The following ARID3B variants were observed in gnomAD, a reference collection of about 807,000 sequenced individuals.
ARID3B encodes the protein AT-rich interactive domain-containing protein 3B.
ARID3B carries 10 observed loss-of-function variants against 51.9 expected under a neutral mutation model. That is an observed-to-expected ratio of 0.19 (90% CI 0.12 to 0.33). ARID3B has a LOEUF of 0.33. Ranked by LOEUF, ARID3B falls within the 10% of genes least tolerant of loss-of-function variation. ARID3B has a pLI of 1.00. For missense variants in ARID3B, 483 were observed against 716.3 expected (o/e 0.67, Z 3.72); for synonymous variants, 205 against 279.5 (o/e 0.73, Z 2.66).
At chr15:74,572,689 G>C (rs538578003) in intron 2 of ARID3B, among the ~76,000 whole-genome samples, 173 bp from the exon 3 acceptor site, 2 of 151,608 alleles carry the variant, frequency 1.3e-5, no homozygotes, top group East Asian at 3.9e-4. Flanking sequence ...AAAAAAAAAA[G>C]ATGTCCCTGT....
rs758595748 is a variant in ARID3B at position 74,595,812 on chromosome 15, C to T, written c.*38C>T. The T allele has an allele frequency of 7.6e-6, 12 of 1,575,590 alleles. No individual in the cohort carries two copies. Among genetic ancestry groups the T allele is most frequent in the Admixed American group, 1.9e-5 (1 of 53,204 alleles). On this transcript the variant is annotated 3_prime_UTR_variant, in exon 9 of 9. Coordinates refer to ENST00000346246, the MANE Select transcript of ARID3B (RefSeq NM_006465.4). Reference sequence around the variant, plus strand: ...AGCTTCCCACTTGCCACTCTCCTGTCGAGAGTGAAGGAAGTTGATGCACAG... The same window carrying T: ...AGCTTCCCACTTGCCACTCTCCTGTTGAGAGTGAAGGAAGTTGATGCACAG...
intron 4 of ARID3B, among the ~76,000 whole-genome samples, chr15:74,576,790 G>A (rs2061739629): frequency 6.6e-6 from 1 of 152,220 alleles, no homozygotes; most frequent in Non-Finnish European, 1.5e-5. Flanking sequence ...ACCCTGGCCT[G>A]CAGTGCAGAG....
intron 2 of ARID3B, among the ~76,000 whole-genome samples, chr15:74,563,561 C>T (rs996126134): frequency 1.3e-5 from 2 of 152,168 alleles, no homozygotes; most frequent in South Asian, 2.1e-4. Context: ...CTTTCTGTCA[C>T]CAGCGGGTCC....
intron 4 of ARID3B, among the ~76,000 whole-genome samples, chr15:74,586,111 A>G (rs2061780768): frequency 6.6e-6 from 1 of 152,224 alleles, no homozygotes; most frequent in African/African-American, 2.4e-5. Flanking sequence ...AGGAGAGTTC[A>G]CTGTGGAGTG....
intron 2 of ARID3B, among the ~76,000 whole-genome samples, chr15:74,549,235 C>T (rs1241807219): frequency 6.6e-6 from 1 of 151,976 alleles, no homozygotes; most frequent in Admixed American, 6.5e-5. Context: ...CCACCACGCC[C>T]GGCTAATTTT....
At chr15:74,573,447 T>C in intron 4 of ARID3B, 1 of 547,998 alleles carries the variant, frequency 1.8e-6, no homozygotes, top group Admixed American at 3.2e-5. Context: ...TTTTGTCTCT[T>C]CTTCCAATTG....
chr15:74,576,407 C>G (rs1475314706), intron 4 of ARID3B, among the ~76,000 whole-genome samples: 4 of 152,184 alleles, frequency 2.6e-5, no homozygotes, highest in African/African-American at 4.8e-5. Flanking sequence ...AGTGTGGTGG[C>G]TCACGCCTGT....
chr15:74,566,436 TA>T (rs1036677318), intron 2 of ARID3B, among the ~76,000 whole-genome samples: 3 of 149,896 alleles, frequency 2.0e-5, no homozygotes, highest in Admixed American at 6.7e-5. Flanking sequence ...CCGTCTCTAC[TA>T]AAAAAAAATA....
rs1207747102 is a variant in ARID3B at position 74,578,160 on chromosome 15, CTTTTTTTTGT to C, written c.697+4974_697+4983del. Among the ~76,000 whole-genome samples the C allele has an allele frequency of 2.3e-3, 124 of 54,868 alleles. 3 individuals are homozygous for C. Among genetic ancestry groups the C allele is most frequent in the South Asian group, 0.012 (25 of 2,158 alleles). 36.0% of individuals were successfully genotyped at this position (54,868 alleles called of 152,430 possible). A position where few individuals can be genotyped will look rare whatever the true frequency, so the allele number is the denominator to read the frequency against. On this transcript the variant is annotated intron_variant, in intron 4 of 8. Transcript: ENST00000346246. ...ACATGAGCCACCGCACCTGGCCTGT[CTTTTTTTTGT>C]TTTTTTTTGTTTTTTTTGTTTTAAG...
intron 2 of ARID3B, among the ~76,000 whole-genome samples, chr15:74,548,610 G>A (rs1414849029): frequency 3.3e-5 from 5 of 152,292 alleles, no homozygotes; most frequent in Admixed American, 1.3e-4. Context: ...CAGAATATTT[G>A]CAATTAAAGA....
chr15:74,570,462 CAAAAAAAAAAAAAAAAAAAAAA>C (rs71137395), intron 2 of ARID3B, among the ~76,000 whole-genome samples: 6,156 of 65,374 alleles, frequency 0.094, 434 homozygotes, highest in Middle Eastern at 0.18. Flanking sequence ...CTATAATTAG[CAAAAAAAAAAAAAAAAAAAAAA>C]AAAAAAAAAA....
intron 2 of ARID3B, among the ~76,000 whole-genome samples, chr15:74,548,862 G>A (rs141629722): frequency 6.6e-6 from 1 of 152,264 alleles, no homozygotes; most frequent in East Asian, 1.9e-4. Flanking sequence ...AGAAGAGGGA[G>A]TTTCGTGTTT....
chr15:74,582,962 G>A (rs1015870428), intron 4 of ARID3B, among the ~76,000 whole-genome samples: 12 of 151,872 alleles, frequency 7.9e-5, no homozygotes, highest in Non-Finnish European at 5.9e-5. Flanking sequence ...GGGAGGGTGA[G>A]GCAGGTGGAT....
intron 8 of ARID3B, among the ~76,000 whole-genome samples, chr15:74,594,939 C>G (rs1309105141): frequency 1.3e-5 from 2 of 152,222 alleles, no homozygotes; most frequent in African/African-American, 2.4e-5. Flanking sequence ...AATTCAAGGC[C>G]TGGATCTTGA....
rs1371683244 is a variant in ARID3B at position 74,589,994 on chromosome 15, T to C, written c.872T>C (p.Leu291Pro). ...TCCATCACCAGCGCCGCCTTCACCC[T>C]CAGGACGCAGTGAGTGGCCAGGGCC... ...PTSITSAAFT[L>P]RTQYMKYLYA... The change falls in exon 5 of 9, where the codon CTC (leucine) becomes CCC (proline). Residue 291 changes from leucine to proline, a missense_variant. Transcript: ENST00000346246. The C allele has an allele frequency of 6.2e-7, 1 of 1,610,674 alleles. No homozygotes were observed. The highest frequency in any genetic ancestry group is 8.5e-7 in the Non-Finnish European group (1 of 1,178,034).
intron 2 of ARID3B, among the ~76,000 whole-genome samples, chr15:74,552,822 A>G (rs1485184659): frequency 1.3e-5 from 2 of 152,158 alleles, no homozygotes; most frequent in African/African-American, 4.8e-5. Flanking sequence ...ACCACAGTTT[A>G]TCCATTCACC....
At chr15:74,567,575 A>T (rs1685738044) in intron 2 of ARID3B, among the ~76,000 whole-genome samples, 1 of 152,050 alleles carries the variant, frequency 6.6e-6, no homozygotes, top group Non-Finnish European at 1.5e-5. Flanking sequence ...AGACCATCTC[A>T]TCCACCCTGT....
chr15:74,548,915 G>C (rs2061625522), intron 2 of ARID3B, among the ~76,000 whole-genome samples: 1 of 152,064 alleles, frequency 6.6e-6, no homozygotes. Flanking sequence ...TCTTAACCAT[G>C]AGCAAAATCA....
intron 4 of ARID3B, 35 bp from the exon 5 acceptor site, chr15:74,589,785 T>C (rs2061796528): frequency 1.9e-6 from 3 of 1,574,370 alleles, no homozygotes; most frequent in African/African-American, 2.7e-5. Context: ...CTGATGATGA[T>C]CCCGCTGTCT....
Sources: gnomAD v4.1 joint callset for allele counts (sites outside exome capture counted in the v4.1 genomes callset) on GRCh38, gnomAD v4.1.1 for gene constraint, MANE v1.5 for transcripts, NCBI Gene and HGNC (gene_info 2026-07-23, HGNC 2026-07-21) for gene names.